RORB: variants seen among roughly 807,000 people sequenced by gnomAD.
RORB encodes nuclear receptor ROR-beta.
A neutral mutation model predicts 59.1 loss-of-function variants in RORB; 6 were observed. The ratio of observed to expected loss-of-function variants is 0.10; its 90% CI spans 0.06 to 0.20. The LOEUF (loss-of-function observed/expected upper bound fraction) is 0.20. Ranked by LOEUF, RORB falls within the 10% of genes least tolerant of loss-of-function variation. The pLI is 1.00. For missense variants in RORB, 320 were observed against 560.5 expected (o/e 0.57, Z 4.33); for synonymous variants, 215 against 204.5 (o/e 1.05, Z -0.44).
chr9:74,553,729 T>G (rs1193109098), intron 1 of RORB, among the ~76,000 whole-genome samples: 2 of 152,202 alleles, frequency 1.3e-5, no homozygotes, highest in African/African-American at 4.8e-5. Flanking sequence ...GCACTTTCAA[T>G]TATTTTACAC....
intron 9 of RORB, among the ~76,000 whole-genome samples, chr9:74,683,453 G>A (rs1456744013): frequency 6.6e-6 from 1 of 151,762 alleles, no homozygotes; most frequent in Non-Finnish European, 1.5e-5. Flanking sequence ...TTTCTTTTTT[G>A]CTTAAAACCC....
intron 1 of RORB, among the ~76,000 whole-genome samples, chr9:74,610,448 A>G (rs905682476): frequency 1.3e-5 from 2 of 152,242 alleles, no homozygotes; most frequent in African/African-American, 4.8e-5. Flanking sequence ...GTTCAAAGTT[A>G]TTGAATGTTT....
chr9:74,622,976 T>C (rs1052234994), intron 1 of RORB, among the ~76,000 whole-genome samples: 2 of 152,080 alleles, frequency 1.3e-5, no homozygotes, highest in African/African-American at 2.4e-5. Context: ...GCCATAAATA[T>C]CCATCATGAC....
chr9:74,631,343 G>T (rs1367969189), intron 2 of RORB, among the ~76,000 whole-genome samples: 2 of 152,206 alleles, frequency 1.3e-5, no homozygotes, highest in Non-Finnish European at 2.9e-5. Flanking sequence ...GGAGGAAAAG[G>T]TAATATGCTG....
Position 74,692,248 on chromosome 9 carries a change from G to A in RORB, c.*6630G>A, listed in dbSNP as rs964876888. On this transcript the variant is annotated 3_prime_UTR_variant, in exon 10 of 10. Transcript: ENST00000376896. ...GCTATAGCAACACAGGCAGGAGCAA[G>A]TTGTTGAAACTGATGCTTTTCCTGC... The A allele has an allele frequency of 2.6e-5, 4 of 152,154 alleles. No homozygotes were observed. The highest frequency in any genetic ancestry group is 5.9e-5 in the Non-Finnish European group (4 of 68,020). The allele number at this position is 152,154 out of a possible 1,614,324, so 9.4% of individuals were successfully genotyped here.
At chr9:74,527,018 G>A (rs554654856) in intron 1 of RORB, among the ~76,000 whole-genome samples, 9 of 152,040 alleles carry the variant, frequency 5.9e-5, no homozygotes, top group African/African-American at 2.2e-4. Context: ...TATGTTGATA[G>A]ATTTACAGCT....
chr9:74,513,609 T>A (rs777687454), intron 1 of RORB, among the ~76,000 whole-genome samples: 1 of 152,016 alleles, frequency 6.6e-6, no homozygotes, highest in African/African-American at 2.4e-5. Context: ...GAGAGTGGTA[T>A]AACCTAGTAA....
intron 1 of RORB, among the ~76,000 whole-genome samples, chr9:74,508,434 T>G (rs750085537): frequency 3.3e-5 from 5 of 152,100 alleles, no homozygotes; most frequent in Non-Finnish European, 7.4e-5. Context: ...AAAATTGTAC[T>G]GTATCCTTAT....
intron 1 of RORB, among the ~76,000 whole-genome samples, chr9:74,600,579 G>A (rs1004790969): frequency 1.3e-5 from 2 of 152,136 alleles, no homozygotes; most frequent in African/African-American, 4.8e-5. Flanking sequence ...GCCACAGCTG[G>A]TCCCAACTTA....
chr9:74,654,163 T>C (rs1053731371), intron 4 of RORB, among the ~76,000 whole-genome samples: 3 of 152,214 alleles, frequency 2.0e-5, no homozygotes, highest in African/African-American at 7.2e-5. Flanking sequence ...TCTGATATAA[T>C]TGACCTTTTA....
chr9:74,650,394 G>A (rs774305389), intron 4 of RORB, among the ~76,000 whole-genome samples: 13 of 152,150 alleles, frequency 8.5e-5, no homozygotes, highest in Admixed American at 2.6e-4. Context: ...CATGGGCTAT[G>A]GAACCCAGAA....
chr9:74,619,663 G>A (rs1006497289), intron 1 of RORB, among the ~76,000 whole-genome samples: 13 of 152,078 alleles, frequency 8.5e-5, no homozygotes, highest in Admixed American at 4.6e-4. Flanking sequence ...TGTTGGTCAG[G>A]CTGGTTTCAT....
chr9:74,578,288 G>A (rs1220519542), intron 1 of RORB, among the ~76,000 whole-genome samples: 1 of 152,124 alleles, frequency 6.6e-6, no homozygotes, highest in African/African-American at 2.4e-5. Flanking sequence ...ACAAGATACT[G>A]ATTATATTAG....
At chr9:74,592,367 T>G (rs747697216) in intron 1 of RORB, among the ~76,000 whole-genome samples, 1 of 152,254 alleles carries the variant, frequency 6.6e-6, no homozygotes, top group Non-Finnish European at 1.5e-5. Context: ...GGGGAAGCAC[T>G]GCCCTGGGAG....
Position 74,689,637 on chromosome 9 carries a change from A to G in RORB, c.*4019A>G, listed in dbSNP as rs1305754328. On this transcript the variant is annotated 3_prime_UTR_variant, in exon 10 of 10. Coordinates refer to ENST00000376896, the MANE Select transcript of RORB (RefSeq NM_006914.4). ...ACTCTGAATATTAACAAGAGGTGCC[A>G]GGGAGGTGTCAGTACATTTCCTATC... 7 of 152,252 alleles carry G rather than the reference A, an allele frequency of 4.6e-5. No individual in the cohort carries two copies. The highest frequency in any genetic ancestry group is 1.7e-4 in the African/African-American group (7 of 41,468). 9.4% of individuals were successfully genotyped at this position (152,252 alleles called of 1,614,324 possible).
At chr9:74,622,030 G>A (rs1823428535) in intron 1 of RORB, among the ~76,000 whole-genome samples, 1 of 152,062 alleles carries the variant, frequency 6.6e-6, no homozygotes, top group African/African-American at 2.4e-5. Context: ...TTTTAACATA[G>A]AAAAGTTGTA....
At chr9:74,593,864 C>T (rs1029392602) in intron 1 of RORB, among the ~76,000 whole-genome samples, 1 of 152,178 alleles carries the variant, frequency 6.6e-6, no homozygotes, top group African/African-American at 2.4e-5. Context: ...ACCAACATTT[C>T]TACATACCTC....
At chr9:74,603,584 T>C (rs1185578635) in intron 1 of RORB, among the ~76,000 whole-genome samples, 1 of 152,216 alleles carries the variant, frequency 6.6e-6, no homozygotes, top group Non-Finnish European at 1.5e-5. Context: ...CAAGTCCTTA[T>C]CTCAGGTCTT....
At position 74,498,120 on chromosome 9, in the gene RORB, G is replaced by T. The variant is rs2117998650; in HGVS notation, c.7+137G>T. 8.3e-6 allele frequency: 8 copies of T among 963,750 alleles called. No individual in the cohort carries two copies. The South Asian group carries it at 1.2e-4, about 14-fold the overall frequency. The allele number at this position is 963,750 out of a possible 1,614,324, so 59.7% of individuals were successfully genotyped here. On this transcript the variant is annotated intron_variant, in intron 1 of 9. Coordinates refer to ENST00000376896, the MANE Select transcript of RORB (RefSeq NM_006914.4). ...CAGTTCCCCGAATTCGCTCTCGCAGGTGGGGCTGCAAATGGCCTGGGCGTA... is the reference window on the plus strand; with the variant it reads ...CAGTTCCCCGAATTCGCTCTCGCAGTTGGGGCTGCAAATGGCCTGGGCGTA...
Sources: gnomAD v4.1 joint callset for allele counts (sites outside exome capture counted in the v4.1 genomes callset) on GRCh38, gnomAD v4.1.1 for gene constraint, MANE v1.5 for transcripts, NCBI Gene and HGNC (gene_info 2026-07-23, HGNC 2026-07-21) for gene names.